Variants in SGCZ observed in about 807,000 individuals in gnomAD.
The protein encoded by SGCZ is sarcoglycan zeta, also known as zeta-sarcoglycan.
A neutral mutation model predicts 41.3 loss-of-function variants in SGCZ; 40 were observed. That is an observed-to-expected ratio of 0.97 (90% CI 0.75 to 1.26). The LOEUF (loss-of-function observed/expected upper bound fraction) is 1.26. SGCZ is among the 50% of genes most tolerant of loss of function. The pLI is 0.00. For synonymous variants in SGCZ, 206 were observed against 137.5 expected, an observed-to-expected ratio of 1.50 and a Z score of -3.49; for missense variants, 552 against 369.8, an observed-to-expected ratio of 1.49 and a Z score of -4.04.
chr8:14,529,265 A>G (rs1803051323), intron 2 of SGCZ, among the ~76,000 whole-genome samples: 1 of 152,150 alleles, frequency 6.6e-6, no homozygotes, highest in Non-Finnish European at 1.5e-5. Flanking sequence ...GGCAAGTAAG[A>G]CACACCTGGG....
chr8:15,159,978 C>T (rs949841558), intron 1 of SGCZ, among the ~76,000 whole-genome samples: 5 of 151,830 alleles, frequency 3.3e-5, no homozygotes, highest in African/African-American at 1.2e-4. Context: ...GACAGAACAG[C>T]AGCATCAAGA....
At chr8:15,109,174 G>A (rs1200302692) in intron 1 of SGCZ, among the ~76,000 whole-genome samples, 1 of 152,086 alleles carries the variant, frequency 6.6e-6, no homozygotes, top group Non-Finnish European at 1.5e-5. Flanking sequence ...TGATGATGAT[G>A]GAGATCATTC....
In SGCZ at chr8:14,881,033, T is replaced by C. The variant is rs1333399012; in HGVS notation, c.40-326107A>G. ...CACAGAGAAAGAGTCTTAGTTCAAG[T>C]TGTATTATTTACTATGTGACCTTGG... On this transcript the variant is annotated intron_variant, in intron 1 of 7. Transcript: ENST00000382080. Among the ~76,000 whole-genome samples the C allele has an allele frequency of 3.3e-5, 5 of 152,238 alleles. No homozygotes were observed. The South Asian group carries it at 6.2e-4, about 19-fold the overall frequency.
intron 1 of SGCZ, among the ~76,000 whole-genome samples, chr8:15,166,151 CGT>C (rs1799657601): frequency 6.6e-6 from 1 of 151,724 alleles, no homozygotes; most frequent in South Asian, 2.1e-4. Context: ...TCAAAGGGCC[CGT>C]GGAATTTCCA....
At chr8:15,168,144 C>T (rs576821908) in intron 1 of SGCZ, among the ~76,000 whole-genome samples, 27 of 152,204 alleles carry the variant, frequency 1.8e-4, no homozygotes, top group African/African-American at 5.5e-4. Context: ...GGAATCCATG[C>T]GACACCCCCA....
intron 2 of SGCZ, among the ~76,000 whole-genome samples, chr8:14,481,257 C>G (rs958992847): frequency 9.9e-5 from 15 of 152,126 alleles, no homozygotes; most frequent in Admixed American, 9.8e-4. Context: ...ACATTTTACA[C>G]TAGCCAGTGT....
At chr8:14,678,791 C>G (rs1296955370) in intron 1 of SGCZ, among the ~76,000 whole-genome samples, 3 of 152,148 alleles carry the variant, frequency 2.0e-5, no homozygotes, top group Non-Finnish European at 2.9e-5. Flanking sequence ...AGATGTTCTT[C>G]AGTAGGTGAA....
chr8:14,289,440 T>C (rs749358973), intron 3 of SGCZ, among the ~76,000 whole-genome samples: 2 of 152,100 alleles, frequency 1.3e-5, no homozygotes, highest in Non-Finnish European at 2.9e-5. Flanking sequence ...TATGAGACAA[T>C]TGTTCAATAT....
chr8:14,871,824 GTA>G (rs111251530), intron 1 of SGCZ, among the ~76,000 whole-genome samples: 4,142 of 147,556 alleles, frequency 0.028, 62 homozygotes, highest in Middle Eastern at 0.05. Context: ...ATATGTGTGT[GTA>G]TATATATATA....
chr8:14,513,401 T>C (rs1015529979), intron 2 of SGCZ, among the ~76,000 whole-genome samples: 3 of 150,204 alleles, frequency 2.0e-5, no homozygotes, highest in African/African-American at 7.4e-5. Flanking sequence ...TAGAGAAAAA[T>C]TGTTTTCAAA....
At chr8:14,631,743 A>G (rs1806662168) in intron 1 of SGCZ, among the ~76,000 whole-genome samples, 1 of 152,120 alleles carries the variant, frequency 6.6e-6, no homozygotes. Flanking sequence ...CATATAAACA[A>G]TAATGTAGCA....
chr8:14,751,996 A>C (rs1799513873), intron 1 of SGCZ, among the ~76,000 whole-genome samples: 1 of 152,032 alleles, frequency 6.6e-6, no homozygotes, highest in Non-Finnish European at 1.5e-5. Context: ...ACACAATGGA[A>C]CTATTGTCAA....
At chr8:15,043,385 G>C (rs965300518) in intron 1 of SGCZ, among the ~76,000 whole-genome samples, 18 of 151,902 alleles carry the variant, frequency 1.2e-4, no homozygotes, top group African/African-American at 4.4e-4. Flanking sequence ...GTCCATAATG[G>C]TATAAATCTA....
At chr8:15,003,885 C>T (rs990832044) in intron 1 of SGCZ, among the ~76,000 whole-genome samples, 1 of 152,076 alleles carries the variant, frequency 6.6e-6, no homozygotes, top group South Asian at 2.1e-4. Context: ...AGAAACCCTA[C>T]CGGGGTCAAG....
At chr8:14,932,751 T>C (rs2130807961) in intron 1 of SGCZ, among the ~76,000 whole-genome samples, 1 of 152,132 alleles carries the variant, frequency 6.6e-6, no homozygotes, top group Middle Eastern at 3.4e-3. Context: ...CTAAACAAAC[T>C]TTCCACTCCA....
intron 1 of SGCZ, among the ~76,000 whole-genome samples, chr8:15,064,459 C>A (rs891168596): frequency 2.0e-5 from 3 of 149,684 alleles, no homozygotes; most frequent in Non-Finnish European, 4.4e-5. Context: ...GAAATTAAAC[C>A]TTCTGGACTT....
intron 2 of SGCZ, among the ~76,000 whole-genome samples, chr8:14,440,260 TGG>T (rs963712611): frequency 3.3e-5 from 5 of 152,112 alleles, no homozygotes; most frequent in African/African-American, 9.7e-5. Context: ...CTATTTGACT[TGG>T]GAAAAATTAA....
chr8:14,337,633 A>G (rs1413693717), intron 2 of SGCZ, among the ~76,000 whole-genome samples: 1 of 152,186 alleles, frequency 6.6e-6, no homozygotes, highest in Non-Finnish European at 1.5e-5. Context: ...GAAAGTAGAT[A>G]TAGTGGAATG....
chr8:14,759,323 T>C (rs1454008231), intron 1 of SGCZ, among the ~76,000 whole-genome samples: 1 of 144,036 alleles, frequency 6.9e-6, no homozygotes, highest in Non-Finnish European at 1.5e-5. Context: ...ATCTGATTTT[T>C]TAAAAATAGT....
Sources: gnomAD v4.1 joint callset for allele counts (sites outside exome capture counted in the v4.1 genomes callset) on GRCh38, gnomAD v4.1.1 for gene constraint, MANE v1.5 for transcripts, NCBI Gene and HGNC (gene_info 2026-07-23, HGNC 2026-07-21) for gene names.